Variants in DOP1B observed in about 807,000 individuals in gnomAD.
DOP1B encodes the protein protein DOP1B.
In DOP1B, 174 loss-of-function variants were observed where a neutral mutation model predicts 233.5. The observed-to-expected ratio is 0.75, with a 90% CI of 0.66 to 0.85. DOP1B has a LOEUF of 0.85. Ranked by LOEUF, DOP1B falls within the 40% of genes least tolerant of loss-of-function variation. DOP1B has a pLI of 0.00. For synonymous variants in DOP1B, 1,190 were observed against 1,185.6 expected (o/e 1.00, Z -0.08); for missense variants, 2,652 against 2,846.6 (o/e 0.93, Z 1.56).
intron 4 of DOP1B, among the ~76,000 whole-genome samples, chr21:36,205,193 TGC>T (rs1458505788): frequency 6.6e-6 from 1 of 152,284 alleles, no homozygotes; most frequent in East Asian, 1.9e-4. Flanking sequence ...AGTTGTGGAG[TGC>T]TTGGGATTTG....
chr21:36,289,559 T>G (rs569006847), intron 35 of DOP1B, among the ~76,000 whole-genome samples: 9 of 152,134 alleles, frequency 5.9e-5, no homozygotes, highest in African/African-American at 2.2e-4. Context: ...TGTCTGTGTT[T>G]AGTTAGATAC....
intron 26 of DOP1B, among the ~76,000 whole-genome samples, chr21:36,267,625 C>CTTTTTT (rs3029062): frequency 0.044 from 5,179 of 116,630 alleles, 567 homozygotes; most frequent in African/African-American, 0.16. Flanking sequence ...TGCAGTGAGA[C>CTTTTTT]TTTTTTTTTT....
intron 2 of DOP1B, among the ~76,000 whole-genome samples, chr21:36,198,837 G>A (rs1052890594): frequency 9.9e-5 from 15 of 152,196 alleles, no homozygotes; most frequent in African/African-American, 3.6e-4. Flanking sequence ...TCAGAGGTGT[G>A]ACCGAGAAGC....
chr21:36,272,098 C>A (rs1164950825), intron 27 of DOP1B, among the ~76,000 whole-genome samples: 2 of 152,148 alleles, frequency 1.3e-5, no homozygotes, highest in Non-Finnish European at 2.9e-5. Context: ...AATACAGGAA[C>A]AAGAAACTAC....
At chr21:36,174,896 G>A (rs757556542) in intron 2 of DOP1B, among the ~76,000 whole-genome samples, 3 of 152,180 alleles carry the variant, frequency 2.0e-5, no homozygotes, top group African/African-American at 4.8e-5. Context: ...GTCTGTGTTA[G>A]TCTGCTAGGG....
At chr21:36,218,531 AT>A (rs1353898588) in intron 9 of DOP1B, among the ~76,000 whole-genome samples, 1 of 152,324 alleles carries the variant, frequency 6.6e-6, no homozygotes, top group Middle Eastern at 3.4e-3. Context: ...TCCAAAAAAA[AT>A]AATAATAAAT....
At chr21:36,174,216 G>A (rs895573499) in intron 2 of DOP1B, among the ~76,000 whole-genome samples, 4 of 152,160 alleles carry the variant, frequency 2.6e-5, no homozygotes, top group African/African-American at 9.7e-5. Flanking sequence ...GGCCAGGCGT[G>A]GTGGCTCACG....
chr21:36,189,145 A>G (rs1006962542), intron 2 of DOP1B, among the ~76,000 whole-genome samples: 1 of 152,208 alleles, frequency 6.6e-6, no homozygotes, highest in Non-Finnish European at 1.5e-5. Context: ...GTCAAAGGAA[A>G]CAAAGATATT....
chr21:36,171,803 T>A (rs1229107862), intron 2 of DOP1B, among the ~76,000 whole-genome samples: 4 of 152,196 alleles, frequency 2.6e-5, no homozygotes, highest in Non-Finnish European at 5.9e-5. Flanking sequence ...TAGAATGCTA[T>A]GACAGTGGTA....
intron 24 of DOP1B, chr21:36,260,983 A>AC (rs1182657249): frequency 8.1e-7 from 1 of 1,231,702 alleles, no homozygotes; most frequent in East Asian, 3.5e-5. Context: ...GAGGCCTGTT[A>AC]AACTTTAAAA....
At chr21:36,234,540 G>A (rs2066804611) in intron 15 of DOP1B, among the ~76,000 whole-genome samples, 1 of 151,912 alleles carries the variant, frequency 6.6e-6, no homozygotes, top group Admixed American at 6.6e-5. Flanking sequence ...CCTGGCACTA[G>A]AGCATACTTT....
At chr21:36,209,690 C>G (rs1419925271) in intron 5 of DOP1B, among the ~76,000 whole-genome samples, 1 of 152,228 alleles carries the variant, frequency 6.6e-6, no homozygotes, top group African/African-American at 2.4e-5. Flanking sequence ...CCAGGCCCTT[C>G]AAGGGAAGCT....
intron 20 of DOP1B, among the ~76,000 whole-genome samples, chr21:36,248,040 A>G (rs79525548): frequency 0.016 from 2,474 of 152,274 alleles, 34 homozygotes; most frequent in Non-Finnish European, 0.024. Flanking sequence ...TTTACTTGCT[A>G]TCATGGTGTT....
intron 24 of DOP1B, among the ~76,000 whole-genome samples, chr21:36,262,354 A>G (rs921103939): frequency 2.0e-5 from 3 of 152,158 alleles, no homozygotes; most frequent in Admixed American, 6.5e-5. Context: ...CACAATAGGT[A>G]GTAAGTTGGA....
At chr21:36,292,288 A>G in intron 36 of DOP1B, 55 bp downstream of exon 36, 4 of 1,421,804 alleles carry the variant, frequency 2.8e-6, no homozygotes, top group Non-Finnish European at 3.7e-6. Context: ...ACAGAGTTTC[A>G]CTCGGCCACC....
intron 2 of DOP1B, among the ~76,000 whole-genome samples, chr21:36,179,647 C>T (rs2066072668): frequency 6.6e-6 from 1 of 152,108 alleles, no homozygotes; most frequent in Admixed American, 6.6e-5. Flanking sequence ...ACCAAGTAGA[C>T]TGGTAGTTAC....
chr21:36,203,699 G>A (rs2066397515), intron 4 of DOP1B, among the ~76,000 whole-genome samples: 1 of 152,052 alleles, frequency 6.6e-6, no homozygotes, highest in Non-Finnish European at 1.5e-5. Flanking sequence ...GAGTTAGGTT[G>A]AGCTGGTGAA....
At chr21:36,201,550 G>A (rs2066367333) in intron 4 of DOP1B, among the ~76,000 whole-genome samples, 1 of 151,578 alleles carries the variant, frequency 6.6e-6, no homozygotes, top group Non-Finnish European at 1.5e-5. Flanking sequence ...GTTTCCCTCT[G>A]GCGGCCAGGC....
At chr21:36,274,335 A>G (rs1202331017) in intron 27 of DOP1B, among the ~76,000 whole-genome samples, 1 of 152,180 alleles carries the variant, frequency 6.6e-6, no homozygotes, top group East Asian at 1.9e-4. Flanking sequence ...AGTCAGCAGG[A>G]TTTGCTGATG....
Sources: allele counts gnomAD v4.1 joint callset (sites outside exome capture counted in the v4.1 genomes callset), GRCh38; gene constraint gnomAD v4.1.1; transcripts MANE v1.5; gene names NCBI Gene and HGNC (gene_info 2026-07-23, HGNC 2026-07-21).